The following KAZN variants were observed in gnomAD, a reference collection of about 807,000 sequenced individuals.
KAZN encodes the protein kazrin, periplakin interacting protein, also known as kazrin.
Under a neutral mutation model 87.4 loss-of-function variants are expected in KAZN, and 40 were observed. That is an observed-to-expected ratio of 0.46 (90% CI 0.36 to 0.60). The LOEUF is 0.60. Among genes scored for constraint, KAZN ranks in the 20% least tolerant of loss-of-function variants. The pLI, the probability that KAZN is intolerant of heterozygous loss-of-function variation, is 0.00. For synonymous variants in KAZN, 466 were observed against 458.3 expected (o/e 1.02, Z -0.22); for missense variants, 898 against 1,073.9 (o/e 0.84, Z 2.29).
chr1:14,488,547 C>A (rs1046728085), intron 2 of KAZN, among the ~76,000 whole-genome samples: 1 of 152,166 alleles, frequency 6.6e-6, no homozygotes, highest in Non-Finnish European at 1.5e-5. Flanking sequence ...ATAGTGGCAA[C>A]CTCATAGGCT....
At chr1:14,401,547 G>C (rs1020526732) in intron 2 of KAZN, among the ~76,000 whole-genome samples, 4 of 152,078 alleles carry the variant, frequency 2.6e-5, no homozygotes, top group African/African-American at 9.7e-5. Flanking sequence ...CTGGCACAGT[G>C]GCCCATGCCT....
At position 14,960,866 on chromosome 1, in the gene KAZN, G is replaced by T. The variant is rs1463709495; in HGVS notation, c.409G>T (p.Ala137Ser). The T allele has an allele frequency of 6.2e-7, 1 of 1,602,782 alleles. No homozygotes were observed. Among genetic ancestry groups the T allele is most frequent in the Non-Finnish European group, 8.5e-7 (1 of 1,172,984 alleles). Reference protein sequence around the residue: ...KEQELARAKEALQAMKADRKR... With the variant: ...KEQELARAKESLQAMKADRKR... The stretch of plus-strand genomic sequence containing the variant: ...GCAGGAGCTAGCCAGAGCCAAAGAA[G>T]CCTTGCAGGGTGAGTGACGAGTCAG... The change falls in exon 2 of 15, where the codon GCC (alanine) becomes TCC (serine). Residue 137 changes from alanine (A) to serine (S), a missense_variant. Physicochemically the swap from Ala to Ser is moderately conservative, Grantham distance 99. Transcript: ENST00000376030.
chr1:14,509,604 C>T (rs146644121), intron 2 of KAZN, among the ~76,000 whole-genome samples: 3 of 152,318 alleles, frequency 2.0e-5, no homozygotes, highest in African/African-American at 7.2e-5. Flanking sequence ...ACACCTAAGT[C>T]CATTCTCTCA....
chr1:14,748,318 G>C (rs1180119814), intron 1 of KAZN, among the ~76,000 whole-genome samples: 1 of 152,182 alleles, frequency 6.6e-6, no homozygotes, highest in Non-Finnish European at 1.5e-5. Flanking sequence ...AGGAATGCAA[G>C]GAACTTAGCT....
intron 1 of KAZN, among the ~76,000 whole-genome samples, chr1:14,073,903 G>A (rs1322222976): frequency 6.6e-6 from 1 of 152,046 alleles, no homozygotes; most frequent in East Asian, 1.9e-4. Flanking sequence ...AAAATCCTTT[G>A]GGTATATATC....
intron 1 of KAZN, among the ~76,000 whole-genome samples, chr1:14,047,380 G>T (rs1642120663): frequency 6.6e-6 from 1 of 152,016 alleles, no homozygotes; most frequent in African/African-American, 2.4e-5. Flanking sequence ...GGTCCTCCTT[G>T]ACCTCTTGCC....
At chr1:14,764,901 G>C (rs1255936599) in intron 1 of KAZN, among the ~76,000 whole-genome samples, 1 of 152,174 alleles carries the variant, frequency 6.6e-6, no homozygotes, top group Non-Finnish European at 1.5e-5. Flanking sequence ...GGATGTTATC[G>C]TTCTTATTTT....
chr1:14,232,026 C>T (rs1364932854), intron 2 of KAZN, among the ~76,000 whole-genome samples: 1 of 152,098 alleles, frequency 6.6e-6, no homozygotes, highest in African/African-American at 2.4e-5. Context: ...CACTTCCATT[C>T]TCATTCCATG....
intron 1 of KAZN, among the ~76,000 whole-genome samples, chr1:13,954,251 A>G (rs1317340366): frequency 6.6e-6 from 1 of 152,170 alleles, no homozygotes; most frequent in Non-Finnish European, 1.5e-5. Flanking sequence ...CCAAACAAAC[A>G]AACAAAAAAA....
intron 2 of KAZN, among the ~76,000 whole-genome samples, chr1:14,424,932 C>T (rs1450711980): frequency 6.6e-6 from 1 of 152,178 alleles, no homozygotes; most frequent in Non-Finnish European, 1.5e-5. Context: ...AATATCATAG[C>T]TAAATCATCT....
At chr1:14,290,766 T>A (rs556874900) in intron 2 of KAZN, among the ~76,000 whole-genome samples, 1 of 152,164 alleles carries the variant, frequency 6.6e-6, no homozygotes, top group East Asian at 1.9e-4. Flanking sequence ...GCACTCTGGG[T>A]TTTAAAATTT....
chr1:13,923,135 C>CAAT (rs1239915328), intron 1 of KAZN, among the ~76,000 whole-genome samples: 1 of 152,132 alleles, frequency 6.6e-6, no homozygotes, highest in African/African-American at 2.4e-5. Context: ...ACTTAACTAC[C>CAAT]AATAGCCTAC....
chr1:14,349,296 G>C (rs1191377706), intron 2 of KAZN: 1 of 152,226 alleles, frequency 6.6e-6, no homozygotes, highest in East Asian at 1.9e-4. Flanking sequence ...TCTTCGAAGA[G>C]AGATTAAGGC....
chr1:15,094,088 C>T lies in KAZN; in HGVS notation c.1223-92C>T. 8.6e-7 allele frequency: 1 copy of T among 1,158,134 alleles called. No homozygotes were observed. The highest frequency in any genetic ancestry group is 2.0e-5 in the Admixed American group (1 of 50,036). The allele number at this position is 1,158,134 out of a possible 1,614,324, so 71.7% of individuals were successfully genotyped here. ...AGAATACATGGAGGGGAGGATGTCC[C>T]CACCACCCTCTGCCTCCCGGGGGTA... On this transcript the variant is annotated intron_variant, in intron 8 of 14. Coordinates refer to ENST00000376030, the MANE Select transcript of KAZN (RefSeq NM_201628.3). The surrounding 1 kb of genome is among the most constrained non-coding windows in gnomAD (Gnocchi z 4.5).
intron 1 of KAZN, among the ~76,000 whole-genome samples, chr1:13,970,791 C>G (rs925378084): frequency 6.6e-6 from 1 of 152,160 alleles, no homozygotes; most frequent in South Asian, 2.1e-4. Context: ...GGCATGGGCT[C>G]CAAACCTTCT....
intron 2 of KAZN, among the ~76,000 whole-genome samples, chr1:14,392,604 C>A (rs550246781): frequency 5.3e-5 from 8 of 152,090 alleles, no homozygotes; most frequent in Non-Finnish European, 1.2e-4. Flanking sequence ...CCACATCATT[C>A]TTTGTTGTGG....
intron 1 of KAZN, among the ~76,000 whole-genome samples, chr1:14,039,685 C>T (rs1641715430): frequency 6.6e-6 from 1 of 152,222 alleles, no homozygotes; most frequent in Non-Finnish European, 1.5e-5. Context: ...ATGTTAACTT[C>T]CATGCATGCT....
At chr1:14,417,669 A>G (rs971928941) in intron 2 of KAZN, among the ~76,000 whole-genome samples, 2 of 152,226 alleles carry the variant, frequency 1.3e-5, no homozygotes, top group South Asian at 2.1e-4. Context: ...TGGGGCCATC[A>G]GAAAAAGACT....
intron 1 of KAZN, among the ~76,000 whole-genome samples, chr1:14,908,005 T>C (rs1012690072): frequency 3.3e-5 from 5 of 152,238 alleles, no homozygotes; most frequent in African/African-American, 1.2e-4. Context: ...ACTAACTCTG[T>C]GCCAGCATCA....
Sources: gnomAD v4.1 joint callset for allele counts (sites outside exome capture counted in the v4.1 genomes callset) on GRCh38, gnomAD v4.1.1 for gene constraint, Gnocchi (gnomAD v3.1) non-coding constraint, MANE v1.5 for transcripts, NCBI Gene and HGNC (gene_info 2026-07-23, HGNC 2026-07-21) for gene names.